Variants in D2HGDH observed in about 807,000 individuals in gnomAD.
D2HGDH encodes the protein D-2-hydroxyglutarate dehydrogenase, also known as D-2-hydroxyglutarate dehydrogenase, mitochondrial.
D2HGDH carries 31 observed loss-of-function variants against 46.9 expected under a neutral mutation model. The observed-to-expected ratio is 0.66, with a 90% confidence interval of 0.50 to 0.89. The LOEUF (loss-of-function observed/expected upper bound fraction) is 0.89, where lower values mean the gene tolerates loss of function less well. Ranked by LOEUF, D2HGDH falls within the 40% of genes least tolerant of loss-of-function variation. The pLI, the probability that D2HGDH is intolerant of heterozygous loss-of-function variation, is 0.00. For missense variants in D2HGDH, 698 were observed against 720.8 expected (o/e 0.97, Z 0.36); for synonymous variants, 364 against 332.6 (o/e 1.09, Z -1.03).
intron 6 of D2HGDH, among the ~76,000 whole-genome samples, chr2:241,748,567 C>T (rs1287850953): frequency 6.6e-6 from 1 of 152,228 alleles, no homozygotes; most frequent in Non-Finnish European, 1.5e-5. Context: ...TTCACTGGTG[C>T]CCCTCCCACC....
intron 9 of D2HGDH, among the ~76,000 whole-genome samples, chr2:241,764,859 G>T (rs943659903): frequency 6.6e-6 from 1 of 152,214 alleles, no homozygotes; most frequent in Non-Finnish European, 1.5e-5. Flanking sequence ...GGTGGGGCGG[G>T]GTCCTCACTT....
Position 241,735,190 on chromosome 2 carries a change from C to T in D2HGDH, c.-35C>T, listed in dbSNP as rs1426558343. 1.3e-6 allele frequency: 2 copies of T among 1,495,472 alleles called. No individual in the cohort carries two copies. The highest frequency in any genetic ancestry group is 2.2e-5 in the Admixed American group (1 of 45,102). The allele number at this position is 1,495,472 out of a possible 1,614,324, so 92.6% of individuals were successfully genotyped here. A position where few individuals can be genotyped will look rare whatever the true frequency, so the allele number is the denominator to read the frequency against. Reference sequence around the variant, plus strand: ...CCGGGCCCTGAGTACCGGCCCCCCACCAAGGAGGAGCCCGAGGTCTCCGTC... The same window carrying T: ...CCGGGCCCTGAGTACCGGCCCCCCATCAAGGAGGAGCCCGAGGTCTCCGTC... On this transcript the variant is annotated 5_prime_UTR_variant, in exon 2 of 10. Coordinates refer to ENST00000321264, the MANE Select transcript of D2HGDH (RefSeq NM_152783.5).
intron 6 of D2HGDH, chr2:241,749,310 C>T (rs966097432): frequency 1.6e-6 from 2 of 1,288,660 alleles, no homozygotes; most frequent in Non-Finnish European, 2.0e-6. Context: ...TGTCTGCCCC[C>T]AGCCTCTGCG....
intron 7 of D2HGDH, among the ~76,000 whole-genome samples, chr2:241,750,551 G>A (rs192153466): frequency 1.4e-4 from 21 of 152,352 alleles, no homozygotes; most frequent in African/African-American, 5.1e-4. Context: ...CTGCAGGAAG[G>A]ACGGGAAGGA....
At chr2:241,767,483 G>C (rs969222837) in intron 9 of D2HGDH, among the ~76,000 whole-genome samples, 1 of 132,248 alleles carries the variant, frequency 7.6e-6, no homozygotes, top group East Asian at 2.2e-4. Context: ...CCGGGCTGAG[G>C]GAGTAGGAAG....
chr2:241,762,871 T>G (rs1055633050), intron 9 of D2HGDH, among the ~76,000 whole-genome samples: 5 of 152,222 alleles, frequency 3.3e-5, no homozygotes, highest in African/African-American at 1.2e-4. Context: ...GTGTTCTGTG[T>G]CTGGAAATGA....
At chr2:241,761,560 G>A (rs977638063) in intron 9 of D2HGDH, among the ~76,000 whole-genome samples, 1 of 152,098 alleles carries the variant, frequency 6.6e-6, no homozygotes, top group Non-Finnish European at 1.5e-5. Flanking sequence ...GTATACAGGA[G>A]GATGTGTGTA....
rs1397697641 is a variant in D2HGDH, at chr2:241,735,170, C to T, written c.-55C>T. On this transcript the variant is annotated 5_prime_UTR_variant, in exon 2 of 10. Coordinates refer to ENST00000321264, the MANE Select transcript of D2HGDH (RefSeq NM_152783.5). ...CGGCTCCCTGCCCTTCCCCTCCGGG[C>T]CCTGAGTACCGGCCCCCCACCAAGG... The T allele has an allele frequency of 7.6e-6, 11 of 1,447,896 alleles. No individual in the cohort carries two copies. The highest frequency in any genetic ancestry group is 9.9e-6 in the Non-Finnish European group (11 of 1,111,310). The allele number at this position is 1,447,896 out of a possible 1,614,324, so 89.7% of individuals were successfully genotyped here.
At chr2:241,746,714 C>A (rs896604097) in intron 6 of D2HGDH, among the ~76,000 whole-genome samples, 9 of 152,120 alleles carry the variant, frequency 5.9e-5, no homozygotes, top group African/African-American at 1.9e-4. Context: ...AAGGTGAAAC[C>A]CCATCTCTAC....
chr2:241,739,561 T>A (rs4675885), intron 2 of D2HGDH, among the ~76,000 whole-genome samples: 95,213 of 152,146 alleles, frequency 0.63, 31,550 homozygotes, highest in African/African-American at 0.85. Flanking sequence ...GGTGACAGGC[T>A]CCCGTGACTG....
chr2:241,757,346 G>A (rs1005305960), intron 9 of D2HGDH, among the ~76,000 whole-genome samples: 3 of 152,036 alleles, frequency 2.0e-5, no homozygotes, highest in African/African-American at 7.2e-5. Flanking sequence ...CATGATGAGT[G>A]TGTCATCATC....
At chr2:241,751,968 A>G (rs1355774274) in intron 8 of D2HGDH, among the ~76,000 whole-genome samples, 2 of 126,352 alleles carry the variant, frequency 1.6e-5, no homozygotes, top group East Asian at 4.5e-4. Context: ...GGGCAGGGGG[A>G]GCCCTCGGTC....
At chr2:241,759,171 C>T (rs954399851) in intron 9 of D2HGDH, among the ~76,000 whole-genome samples, 2 of 152,130 alleles carry the variant, frequency 1.3e-5, no homozygotes, top group East Asian at 1.9e-4. Context: ...AATGTGCTCT[C>T]TGCAGTTGCT....
intron 9 of D2HGDH, among the ~76,000 whole-genome samples, chr2:241,757,916 AC>A (rs1698339130): frequency 6.6e-6 from 1 of 151,398 alleles, no homozygotes; most frequent in Non-Finnish European, 1.5e-5. Flanking sequence ...CAGAGGTTGC[AC>A]CATTGCACTC....
At chr2:241,760,928 C>T (rs1698748755) in intron 9 of D2HGDH, among the ~76,000 whole-genome samples, 1 of 152,208 alleles carries the variant, frequency 6.6e-6, no homozygotes, top group Non-Finnish European at 1.5e-5. Context: ...CCATCTTTCT[C>T]TCTCTGTTTG....
At position 241,751,344 on chromosome 2, in the gene D2HGDH, C is replaced by T; in HGVS notation, c.1096C>T (p.Leu366=). Residue 366 remains leucine (L), a synonymous_variant, in exon 8 of 10, where the codon CTG becomes TTG. Transcript: ENST00000321264. ...HFLEHALGSG[L]VTDGTMATDQ... ...CCTGGAGCACGCGCTGGGCTCCGGC[C>T]TGGTGACCGATGGGACCATGGCCAC... The T allele has an allele frequency of 6.2e-7, 1 of 1,613,770 alleles. No individual in the cohort carries two copies. Among genetic ancestry groups the T allele is most frequent in the Non-Finnish European group, 8.5e-7 (1 of 1,180,030 alleles).
At chr2:241,737,248 G>T (rs1206833673) in intron 2 of D2HGDH, among the ~76,000 whole-genome samples, 1 of 152,244 alleles carries the variant, frequency 6.6e-6, no homozygotes, top group Non-Finnish European at 1.5e-5. Flanking sequence ...GGGATTACAG[G>T]CATGAGCCAC....
intron 9 of D2HGDH, among the ~76,000 whole-genome samples, chr2:241,761,568 G>A (rs1266200533): frequency 6.6e-6 from 1 of 152,146 alleles, no homozygotes; most frequent in African/African-American, 2.4e-5. Context: ...GAGGATGTGT[G>A]TAGTTTATAT....
intron 8 of D2HGDH, chr2:241,755,297 C>T (rs776468029): frequency 4.6e-6 from 6 of 1,302,618 alleles, no homozygotes; most frequent in Non-Finnish European, 3.0e-6. Context: ...GTCCCTGCCT[C>T]CCACCCGACA....
Sources: gnomAD v4.1 joint callset for allele counts (sites outside exome capture counted in the v4.1 genomes callset) on GRCh38, gnomAD v4.1.1 for gene constraint, MANE v1.5 for transcripts, NCBI Gene and HGNC (gene_info 2026-07-23, HGNC 2026-07-21) for gene names.